USP45: variants seen among roughly 807,000 people sequenced by gnomAD.
USP45 encodes ubiquitin carboxyl-terminal hydrolase 45.
USP45 carries 89 observed loss-of-function variants against 95.8 expected under a neutral mutation model. That is an observed-to-expected ratio of 0.93 (90% confidence interval 0.78 to 1.11). USP45 has a LOEUF of 1.11. USP45 is among the 50% of genes least tolerant of loss of function. The pLI, the probability that USP45 is intolerant of heterozygous loss-of-function variation, is 0.00. For synonymous variants in USP45, 281 were observed against 316.2 expected (o/e 0.89, Z 1.18); for missense variants, 898 against 942.5 (o/e 0.95, Z 0.62).
rs779768667 is a variant in USP45 at position 99,446,175 on chromosome 6, G to A, written c.1597C>T (p.Pro533Ser). 3.8e-5 allele frequency: 61 copies of A among 1,614,124 alleles called. 1 individual carries two copies. The South Asian group carries it at 6.5e-4, about 17-fold the overall frequency. ...SSGSGVQPDG[P>S]LYPLSAGKLL... ...TTACCTGCTGACAGAGGGTAAAGGG[G>A]TCCATCTGGCTGCACACCGGATCCA... The change falls in exon 14 of 18, where the codon CCC becomes TCC. Residue 533 changes from proline (P) to serine (S), a missense_variant. Physicochemically the swap from Pro to Ser is moderately conservative, Grantham distance 74. Coordinates refer to ENST00000500704, the MANE Select transcript of USP45 (RefSeq NM_001346022.3).
At chr6:99,514,130 T>C (rs1030315888) in intron 1 of USP45, among the ~76,000 whole-genome samples, 2 of 152,164 alleles carry the variant, frequency 1.3e-5, no homozygotes, top group Non-Finnish European at 1.5e-5. Flanking sequence ...ACTCAACATA[T>C]AGTTGAATTC....
intron 7 of USP45, among the ~76,000 whole-genome samples, 185 bp downstream of exon 7, chr6:99,488,015 T>C (rs1027081135): frequency 8.5e-5 from 13 of 152,236 alleles, no homozygotes; most frequent in African/African-American, 3.1e-4. Flanking sequence ...ATTGGAACCA[T>C]AACATACCTT....
At position 99,445,843 on chromosome 6, in the gene USP45, A is replaced by G. The variant is rs766912642; in HGVS notation, c.1929T>C (p.Asn643=). The change falls in exon 14 of 18, where the codon AAT becomes AAC. Residue 643 remains asparagine, a synonymous_variant. Coordinates refer to ENST00000500704, the MANE Select transcript of USP45 (RefSeq NM_001346022.3). ...GGTACTTCTGTTTGTTTTTAGTACA[A>G]TTCTCACATAGAAGCTTATTATTCC... ...LMGNNKLLCE[N]CTKNKQKYQE... 17 of 1,597,210 alleles carry G rather than the reference A, an allele frequency of 1.1e-5. No homozygotes were observed. The highest frequency in any genetic ancestry group is 2.7e-5 in the African/African-American group (2 of 73,912).
chr6:99,461,305 A>G (rs541850547), intron 13 of USP45: 2 of 985,396 alleles, frequency 2.0e-6, no homozygotes, highest in East Asian at 2.3e-4. Context: ...AAAGAAGGGA[A>G]GAAAAATAGC....
intron 5 of USP45, among the ~76,000 whole-genome samples, chr6:99,497,873 T>C (rs1208403278): frequency 6.6e-6 from 1 of 152,180 alleles, no homozygotes; most frequent in Non-Finnish European, 1.5e-5. Flanking sequence ...CTCTCGTCAA[T>C]GAGCTATTTT....
chr6:99,507,225 A>T (rs1798746462), intron 4 of USP45, among the ~76,000 whole-genome samples: 2 of 152,186 alleles, frequency 1.3e-5, no homozygotes, highest in African/African-American at 4.8e-5. Flanking sequence ...CAAAAAGTAG[A>T]GAGATAGTTA....
intron 15 of USP45, among the ~76,000 whole-genome samples, chr6:99,441,741 G>A (rs1781570616): frequency 6.6e-6 from 1 of 152,050 alleles, no homozygotes; most frequent in Non-Finnish European, 1.5e-5. Context: ...TGGGAAGGAT[G>A]GACCTTTTTC....
intron 13 of USP45, among the ~76,000 whole-genome samples, chr6:99,449,612 T>C (rs571131417): frequency 3.3e-5 from 5 of 150,166 alleles, no homozygotes; most frequent in Middle Eastern, 3.4e-3. Flanking sequence ...CTGTCAACAT[T>C]AGACAGATCA....
At chr6:99,450,417 T>G (rs1300808169) in intron 13 of USP45, among the ~76,000 whole-genome samples, 1 of 152,056 alleles carries the variant, frequency 6.6e-6, no homozygotes, top group Non-Finnish European at 1.5e-5. Flanking sequence ...TCTACGCAAA[T>G]AAACTAGAAA....
chr6:99,470,466 A>G (rs1789132457), intron 9 of USP45, among the ~76,000 whole-genome samples: 1 of 152,212 alleles, frequency 6.6e-6, no homozygotes, highest in African/African-American at 2.4e-5. Flanking sequence ...CACTGTCCTC[A>G]AGCATATTTT....
At chr6:99,465,015 A>G (rs1419543120) in intron 12 of USP45, 65 bp downstream of exon 12, 3 of 1,366,096 alleles carry the variant, frequency 2.2e-6, no homozygotes, top group Non-Finnish European at 3.0e-6. Flanking sequence ...TATACTCAAC[A>G]AATGTTTAAA....
chr6:99,437,211 G>A (rs779097550), intron 17 of USP45, 35 bp downstream of exon 17: 62 of 1,576,544 alleles, frequency 3.9e-5, no homozygotes, highest in Non-Finnish European at 3.4e-5. Flanking sequence ...ATATTCGTTT[G>A]TTTTTAAGAA....
At chr6:99,446,543 A>T in intron 13 of USP45, 80 bp from the exon 14 acceptor site, 1 of 1,260,458 alleles carries the variant, frequency 7.9e-7, no homozygotes, top group Non-Finnish European at 1.1e-6. Context: ...TAAACATATC[A>T]TAGTTATTAA....
intron 16 of USP45, among the ~76,000 whole-genome samples, chr6:99,438,919 T>A (rs1781015713): frequency 1.3e-5 from 2 of 152,216 alleles, no homozygotes; most frequent in South Asian, 2.1e-4. Context: ...AGGTACTTTT[T>A]AAAAATATGT....
At chr6:99,476,971 A>T (rs1428543352) in intron 8 of USP45, among the ~76,000 whole-genome samples, 1 of 152,218 alleles carries the variant, frequency 6.6e-6, no homozygotes, top group Non-Finnish European at 1.5e-5. Context: ...AGTAACTTTA[A>T]AAAGTAACCT....
intron 16 of USP45, 22 bp from the exon 17 acceptor site, chr6:99,437,421 C>A (rs1224174207): frequency 1.3e-6 from 2 of 1,563,678 alleles, no homozygotes; most frequent in Non-Finnish European, 1.7e-6. Context: ...AGAAAAAAAC[C>A]CAAATTAGTA....
At chr6:99,451,544 T>C (rs1783837456) in intron 13 of USP45, among the ~76,000 whole-genome samples, 1 of 152,126 alleles carries the variant, frequency 6.6e-6, no homozygotes, top group African/African-American at 2.4e-5. Flanking sequence ...CAGAAACAAA[T>C]GGAAGAACCT....
intron 5 of USP45, among the ~76,000 whole-genome samples, chr6:99,503,406 A>T (rs1797820640): frequency 6.6e-6 from 1 of 151,334 alleles, no homozygotes; most frequent in African/African-American, 2.4e-5. Context: ...GGCTCACTGC[A>T]ACCTCCGCCT....
chr6:99,464,942 G>A (rs1787547887), intron 12 of USP45, 138 bp downstream of exon 12: 4 of 941,244 alleles, frequency 4.2e-6, no homozygotes, highest in Non-Finnish European at 4.6e-6. Flanking sequence ...CCCCAAATCA[G>A]ACTCAATTAT....
Sources: gnomAD v4.1 joint callset for allele counts (sites outside exome capture counted in the v4.1 genomes callset) on GRCh38, gnomAD v4.1.1 for gene constraint, MANE v1.5 for transcripts, NCBI Gene and HGNC (gene_info 2026-07-23, HGNC 2026-07-21) for gene names.